Variants in FAM13A observed in about 807,000 individuals in gnomAD.
FAM13A encodes the protein family with sequence similarity 13 member A.
A neutral mutation model predicts 129.6 loss-of-function variants in FAM13A; 76 were observed. The observed-to-expected ratio is 0.59, with a 90% CI of 0.49 to 0.71. The LOEUF (loss-of-function observed/expected upper bound fraction) is 0.71, where lower values mean the gene tolerates loss of function less well. Among genes scored for constraint, FAM13A ranks in the 30% least tolerant of loss-of-function variants. The probability of loss-of-function intolerance (pLI) is 0.00; values close to 1 mark genes in which losing one functional copy is unlikely to be tolerated. For synonymous variants in FAM13A, 443 were observed against 449.9 expected (o/e 0.98, Z 0.20); for missense variants, 1,108 against 1,249.3 (o/e 0.89, Z 1.70).
chr4:88,996,753 T>TAA (rs202155825), intron 3 of FAM13A, among the ~76,000 whole-genome samples: 6 of 147,678 alleles, frequency 4.1e-5, no homozygotes, highest in South Asian at 4.2e-4. Flanking sequence ...CCAGCCAAAG[T>TAA]AAAAAAAAAA....
intron 5 of FAM13A, among the ~76,000 whole-genome samples, chr4:88,925,213 T>C (rs1334849360): frequency 6.6e-6 from 1 of 152,124 alleles, no homozygotes; most frequent in Non-Finnish European, 1.5e-5. Context: ...GGGTATATAC[T>C]CAATGGACTA....
chr4:88,888,236 T>C lies in FAM13A; in HGVS notation c.843+18143A>G, dbSNP rs193275201. On this transcript the variant is annotated intron_variant, in intron 6 of 23. Transcript: ENST00000264344. ...CCTCCATGAAGCCAGCTCTAATCAA[T>C]TTAACAGCACATATGGTTTATTCTG... Among the ~76,000 whole-genome samples the C allele has an allele frequency of 2.2e-3, 333 of 152,338 alleles. 7 individuals carry two copies. The highest frequency in any genetic ancestry group is 0.02 in the Admixed American group (302 of 15,300).
At chr4:88,774,167 T>G (rs1721231125) in intron 11 of FAM13A, among the ~76,000 whole-genome samples, 1 of 152,190 alleles carries the variant, frequency 6.6e-6, no homozygotes, top group African/African-American at 2.4e-5. Flanking sequence ...CAGGCCTCTG[T>G]GCAAGCATCA....
At chr4:88,940,849 T>TA (rs1754641043) in intron 4 of FAM13A, among the ~76,000 whole-genome samples, 1 of 152,186 alleles carries the variant, frequency 6.6e-6, no homozygotes, top group Non-Finnish European at 1.5e-5. Context: ...ATGCCTTTCT[T>TA]ATAATGAAGT....
chr4:88,877,221 G>A lies in FAM13A; in HGVS notation c.844-26038C>T, dbSNP rs190692649. 1.0e-2 allele frequency among the ~76,000 whole-genome samples: 1,514 copies of A among 152,136 alleles called. 11 individuals are homozygous for A. Among genetic ancestry groups the A allele is most frequent in the Non-Finnish European group, 0.015 (1,020 of 67,976 alleles). On this transcript the variant is annotated intron_variant, in intron 6 of 23. Transcript: ENST00000264344. ...TTTTTTAGTGGCAGAGTAAATTTTT[G>A]TAATTCTTTAGCAAAAATTTAATTT...
chr4:88,835,685 A>G (rs890780503), intron 7 of FAM13A, among the ~76,000 whole-genome samples: 8 of 151,962 alleles, frequency 5.3e-5, no homozygotes, highest in Admixed American at 2.6e-4. Flanking sequence ...CTCACAAGGA[A>G]CGTGCAACCT....
chr4:88,931,908 A>G lies in FAM13A; in HGVS notation c.759+6180T>C, dbSNP rs145191075. Among the ~76,000 whole-genome samples, 417 of 152,382 alleles carry G rather than the reference A, an allele frequency of 2.7e-3. 3 individuals carry two copies. The highest frequency in any genetic ancestry group is 9.2e-3 in the African/African-American group (383 of 41,598). Reference sequence around the variant, plus strand: ...AGTTTACCTACACAAAAGGAGAGATAATACAATCAGATTACAAAGAAGCAA... The same window carrying G: ...AGTTTACCTACACAAAAGGAGAGATGATACAATCAGATTACAAAGAAGCAA... On this transcript the variant is annotated intron_variant, in intron 5 of 23. Transcript: ENST00000264344.
intron 13 of FAM13A, among the ~76,000 whole-genome samples, chr4:88,760,122 A>T (rs577120494): frequency 1.3e-5 from 2 of 152,386 alleles, no homozygotes; most frequent in East Asian, 3.9e-4. Flanking sequence ...CTGTGCTGAA[A>T]GCACTACTTA....
At chr4:88,732,397 A>C in intron 21 of FAM13A, 199 bp from the exon 22 acceptor site, 1 of 426,172 alleles carries the variant, frequency 2.3e-6, no homozygotes. Flanking sequence ...TAATAACACA[A>C]TGTAGCCACT....
At chr4:88,761,221 A>G (rs550312149) in intron 13 of FAM13A, among the ~76,000 whole-genome samples, 4 of 152,192 alleles carry the variant, frequency 2.6e-5, no homozygotes, top group Non-Finnish European at 4.4e-5. Flanking sequence ...GAAGGTATGA[A>G]GGGCCTTCAG....
intron 4 of FAM13A, among the ~76,000 whole-genome samples, chr4:88,944,460 C>T (rs1755317923): frequency 6.6e-6 from 1 of 152,332 alleles, no homozygotes; most frequent in South Asian, 2.1e-4. Context: ...TGTGGATAGA[C>T]TGCCTAGCTT....
chr4:88,815,084 C>T (rs1375431166), intron 7 of FAM13A, among the ~76,000 whole-genome samples: 2 of 152,114 alleles, frequency 1.3e-5, no homozygotes, highest in Non-Finnish European at 1.5e-5. Context: ...TTCCAGCGAT[C>T]CTCCTGCCTC....
intron 4 of FAM13A, among the ~76,000 whole-genome samples, chr4:88,945,783 G>GTATATATATATATAAGTATATATATATTA (rs1553900954): frequency 7.9e-6 from 1 of 127,040 alleles, no homozygotes; most frequent in African/African-American, 3.2e-5. Context: ...CTATGTGGTT[G>GTATATATATATATAAGTATATATATATTA]TATATATATA....
intron 7 of FAM13A, among the ~76,000 whole-genome samples, chr4:88,838,668 A>C (rs1735256780): frequency 6.6e-6 from 1 of 151,962 alleles, no homozygotes; most frequent in Non-Finnish European, 1.5e-5. Context: ...CGGAGCTTGC[A>C]GTGAGCCGAG....
At chr4:88,768,566 G>GTATA (rs1232710391) in intron 11 of FAM13A, among the ~76,000 whole-genome samples, 1 of 151,788 alleles carries the variant, frequency 6.6e-6, no homozygotes, top group Non-Finnish European at 1.5e-5. Flanking sequence ...CATTATATGT[G>GTATA]TATATATGTA....
intron 11 of FAM13A, among the ~76,000 whole-genome samples, chr4:88,772,256 G>A (rs1282944306): frequency 6.6e-6 from 1 of 152,070 alleles, no homozygotes; most frequent in Non-Finnish European, 1.5e-5. Context: ...AAGGATTAAT[G>A]GCATATTTGA....
chr4:88,781,203 T>C lies in FAM13A; in HGVS notation c.1420A>G (p.Lys474Glu), dbSNP rs572144429. The C allele has an allele frequency of 6.2e-7, 1 of 1,610,734 alleles. No individual in the cohort carries two copies. The highest frequency in any genetic ancestry group is 1.1e-5 in the South Asian group (1 of 90,402). ...TGATTGTCATGAAGCTCAGAAAGTTTAGTACTGGATTTCTGACGTTTAGGC... is the reference window on the plus strand; with the variant it reads ...TGATTGTCATGAAGCTCAGAAAGTTCAGTACTGGATTTCTGACGTTTAGGC... ...SKPKRQKSST[K>E]LSELHDNQDG... The change falls in exon 11 of 24, where the codon AAA becomes GAA. Residue 474 changes from lysine (K) to glutamate (E), a missense_variant. By Grantham distance (56) the Lys-to-Glu change is moderately conservative (BLOSUM62 1). Coordinates refer to ENST00000264344, the MANE Select transcript of FAM13A (RefSeq NM_014883.4).
chr4:88,782,364 G>C (rs565959129), intron 10 of FAM13A, among the ~76,000 whole-genome samples: 1 of 151,218 alleles, frequency 6.6e-6, no homozygotes, highest in Admixed American at 6.6e-5. Flanking sequence ...GCTTGGTAAG[G>C]AACAAATAAA....
At chr4:88,982,288 T>C (rs762381602) in intron 4 of FAM13A, among the ~76,000 whole-genome samples, 1 of 152,274 alleles carries the variant, frequency 6.6e-6, no homozygotes, top group Non-Finnish European at 1.5e-5. Flanking sequence ...AGCAATGTCA[T>C]GTCTTCCATC....
Sources: gnomAD v4.1 joint callset for allele counts (sites outside exome capture counted in the v4.1 genomes callset) on GRCh38, gnomAD v4.1.1 for gene constraint, MANE v1.5 for transcripts, NCBI Gene and HGNC (gene_info 2026-07-23, HGNC 2026-07-21) for gene names.